Variants in RBPJ observed in about 807,000 individuals in gnomAD.
The protein encoded by RBPJ is recombination signal binding protein for immunoglobulin kappa J region, also known as recombining binding protein suppressor of hairless.
In RBPJ, 9 loss-of-function variants were observed where a neutral mutation model predicts 67.8. That is an observed-to-expected ratio of 0.13 (90% CI 0.08 to 0.23). RBPJ has a LOEUF of 0.23. Among genes scored for constraint, RBPJ ranks in the 10% least tolerant of loss-of-function variants. RBPJ has a pLI of 1.00. For missense variants in RBPJ, 305 were observed against 595.6 expected, an observed-to-expected ratio of 0.51 and a Z score of 5.08; for synonymous variants, 198 against 203.3, an observed-to-expected ratio of 0.97 and a Z score of 0.22.
chr4:26,237,359 A>AT (rs1388228775), intron 1 of RBPJ, among the ~76,000 whole-genome samples: 1 of 152,192 alleles, frequency 6.6e-6, no homozygotes, highest in Non-Finnish European at 1.5e-5. Context: ...CAAAAAAAAA[A>AT]ATCATTATGG....
chr4:26,157,027 G>T, the RBPJ span, among the ~76,000 whole-genome samples: 34 of 149,220 alleles, frequency 2.3e-4, no homozygotes, highest in Non-Finnish European at 3.7e-4. Context: ...GGTGTGCCAG[G>T]TTCACACCAC....
intron 1 of RBPJ, among the ~76,000 whole-genome samples, chr4:26,182,572 C>T (rs1261141810): frequency 4.0e-5 from 6 of 150,638 alleles, no homozygotes; most frequent in Admixed American, 6.6e-5. Flanking sequence ...CGGCTCACTG[C>T]TGCCTCAACC....
the RBPJ span, among the ~76,000 whole-genome samples, chr4:26,107,536 A>G: frequency 6.6e-6 from 1 of 152,248 alleles, no homozygotes; most frequent in South Asian, 2.1e-4. Flanking sequence ...GTAGCTTGTT[A>G]TAGAAAACCG....
intron 1 of RBPJ, among the ~76,000 whole-genome samples, chr4:26,270,579 T>C (rs962351136): frequency 6.6e-6 from 1 of 152,084 alleles, no homozygotes; most frequent in Non-Finnish European, 1.5e-5. Flanking sequence ...CTCAGAATCT[T>C]TGGGGTTGGG....
Position 26,282,819 on chromosome 4 carries a change from C to CGG in RBPJ, c.-166-79626_-166-79625dup, listed in dbSNP as rs1721320330. ...TACAGGCATGAGCCACCACACCTGG[C>CGG]GGAGCTTCATGTATTTCATAATAGC... On this transcript the variant is annotated intron_variant, in intron 1 of 4. Coordinates refer to the RBPJ transcript ENST00000512351. Among the ~76,000 whole-genome samples, 8 of 150,542 alleles carry CGG rather than the reference C, an allele frequency of 5.3e-5. No individual in the cohort carries two copies. In the South Asian group the frequency reaches 1.7e-3, roughly 32 times the overall value.
chr4:26,396,340 G>C (rs1281063412), intron 2 of RBPJ, among the ~76,000 whole-genome samples: 1 of 152,158 alleles, frequency 6.6e-6, no homozygotes, highest in Admixed American at 6.5e-5. Flanking sequence ...CATGTTTATA[G>C]GGCATCTTGA....
At chr4:26,282,608 C>T (rs1034586178) in intron 1 of RBPJ, among the ~76,000 whole-genome samples, 1 of 151,930 alleles carries the variant, frequency 6.6e-6, no homozygotes. Context: ...GCAACCTCTA[C>T]CTCCCGGGTT....
chr4:26,218,804 G>A (rs1025933666), intron 1 of RBPJ, among the ~76,000 whole-genome samples: 2 of 152,070 alleles, frequency 1.3e-5, no homozygotes, highest in African/African-American at 4.8e-5. Flanking sequence ...GGAATAGCAT[G>A]TATGGGGGTG....
chr4:26,412,664 A>G lies in RBPJ; in HGVS notation c.156-2811A>G, dbSNP rs143250290. Among the ~76,000 whole-genome samples the G allele has an allele frequency of 8.4e-4, 128 of 152,320 alleles. 2 individuals carry two copies. Among genetic ancestry groups the G allele is most frequent in the African/African-American group, 2.9e-3 (120 of 41,580 alleles). On this transcript the variant is annotated intron_variant, in intron 3 of 10. Transcript: ENST00000355476. ...AGGAATACACAACCTGTACTAAAAC[A>G]CAGCTCTTTTGAGTTTTATAGCTGA...
chr4:26,334,657 T>C (rs536972836), intron 1 of RBPJ, among the ~76,000 whole-genome samples: 2 of 152,298 alleles, frequency 1.3e-5, no homozygotes, highest in African/African-American at 2.4e-5. Context: ...TTGTTTTTAT[T>C]TTCCCTTATG....
chr4:26,194,917 C>T (rs1000498849), intron 1 of RBPJ, among the ~76,000 whole-genome samples: 10 of 152,358 alleles, frequency 6.6e-5, no homozygotes, highest in African/African-American at 2.2e-4. Flanking sequence ...ATGTGAGACT[C>T]CTACTAACCC....
intron 1 of RBPJ, chr4:26,362,570 T>G: frequency 6.2e-7 from 1 of 1,612,354 alleles, no homozygotes; most frequent in Non-Finnish European, 8.5e-7. Flanking sequence ...TGCATCGAAG[T>G]GTTCCAAGCT....
chr4:26,319,018 AAAAG>A (rs1210282166), upstream of RBPJ, among the ~76,000 whole-genome samples: 7 of 144,588 alleles, frequency 4.8e-5, no homozygotes, highest in Admixed American at 4.7e-4. Flanking sequence ...AAAAAAAAAA[AAAAG>A]AAACCAATTG....
chr4:26,310,511 G>T (rs925889141), intron 1 of RBPJ, among the ~76,000 whole-genome samples: 1 of 152,128 alleles, frequency 6.6e-6, no homozygotes, highest in Non-Finnish European at 1.5e-5. Flanking sequence ...GCTCCTATCA[G>T]CTATCTACAG....
At chr4:26,251,422 G>A (rs958758341) in intron 1 of RBPJ, among the ~76,000 whole-genome samples, 1 of 152,020 alleles carries the variant, frequency 6.6e-6, no homozygotes, top group Non-Finnish European at 1.5e-5. Flanking sequence ...GATCACTTGA[G>A]GCCAGGAGTT....
At chr4:26,157,812 G>A in the RBPJ span, among the ~76,000 whole-genome samples, 1 of 152,214 alleles carries the variant, frequency 6.6e-6, no homozygotes. Context: ...CACAATGTAA[G>A]CTTAGGTTAG....
At chr4:26,151,759 A>G in the RBPJ span, among the ~76,000 whole-genome samples, 4 of 152,318 alleles carry the variant, frequency 2.6e-5, no homozygotes, top group East Asian at 7.7e-4. Context: ...AGTCATTACA[A>G]ATCTCTGTTT....
intron 7 of RBPJ, among the ~76,000 whole-genome samples, chr4:26,427,237 G>T (rs1441801801): frequency 6.6e-6 from 1 of 152,130 alleles, no homozygotes; most frequent in Non-Finnish European, 1.5e-5. Flanking sequence ...CATCAAGGGT[G>T]ACTCTTAAGG....
chr4:26,339,388 C>G (rs981403948), intron 1 of RBPJ, among the ~76,000 whole-genome samples: 3 of 152,152 alleles, frequency 2.0e-5, no homozygotes, highest in Non-Finnish European at 2.9e-5. Flanking sequence ...AATCCCAGCA[C>G]TTTGGGAGGC....
Sources: allele counts gnomAD v4.1 joint callset (sites outside exome capture counted in the v4.1 genomes callset), GRCh38; gene constraint gnomAD v4.1.1; transcripts MANE v1.5; gene names NCBI Gene and HGNC (gene_info 2026-07-23, HGNC 2026-07-21).